The following MAF variants were observed in gnomAD, a reference collection of about 807,000 sequenced individuals.
MAF encodes transcription factor Maf.
MAF carries 10 observed loss-of-function variants against 22.0 expected under a neutral mutation model. The observed-to-expected ratio is 0.45, with a 90% confidence interval of 0.28 to 0.77. The LOEUF is 0.77. Ranked by LOEUF, MAF falls within the 30% of genes least tolerant of loss-of-function variation. The pLI is 0.12. For missense variants in MAF, 544 were observed against 548.4 expected (o/e 0.99, Z 0.08); for synonymous variants, 337 against 255.8 (o/e 1.32, Z -3.03).
the MAF span, among the ~76,000 whole-genome samples, chr16:79,550,385 T>C: frequency 2.0e-5 from 3 of 151,780 alleles, no homozygotes; most frequent in Admixed American, 1.3e-4. Context: ...AGACAGAAAC[T>C]CTCAACTCTT....
At chr16:79,272,819 C>T in the MAF span, among the ~76,000 whole-genome samples, 1 of 152,138 alleles carries the variant, frequency 6.6e-6, no homozygotes, top group African/African-American at 2.4e-5. Flanking sequence ...TGCTGTCCTC[C>T]ACGTTGACCT....
At chr16:79,489,260 G>T in the MAF span, among the ~76,000 whole-genome samples, 5 of 151,564 alleles carry the variant, frequency 3.3e-5, no homozygotes, top group African/African-American at 1.2e-4. Context: ...TATTTATCCA[G>T]CAATTTATTC....
intron 1 of MAF, chr16:79,596,226 T>C: frequency 9.4e-7 from 1 of 1,061,260 alleles, no homozygotes; most frequent in Non-Finnish European, 1.1e-6. Flanking sequence ...AGGGCAATTA[T>C]GGCTCAACTC....
the MAF span, among the ~76,000 whole-genome samples, chr16:79,399,253 G>T: frequency 9.3e-4 from 141 of 152,296 alleles, 3 homozygotes; most frequent in African/African-American, 3.2e-3. Flanking sequence ...AGCATTATGG[G>T]CTGTGCTAAG....
At chr16:79,224,399 T>C in the MAF span, among the ~76,000 whole-genome samples, 1 of 152,190 alleles carries the variant, frequency 6.6e-6, no homozygotes, top group Non-Finnish European at 1.5e-5. Flanking sequence ...CCATAGCCAA[T>C]ATCATACTGA....
chr16:79,511,957 C>G, the MAF span, among the ~76,000 whole-genome samples: 3 of 152,192 alleles, frequency 2.0e-5, no homozygotes, highest in Non-Finnish European at 4.4e-5. Context: ...GACTGCTGCT[C>G]TGTTATATAT....
At chr16:79,280,741 C>T in the MAF span, among the ~76,000 whole-genome samples, 1 of 152,238 alleles carries the variant, frequency 6.6e-6, no homozygotes. Flanking sequence ...CCAGCCCCTG[C>T]ATTACTAGCT....
the MAF span, among the ~76,000 whole-genome samples, chr16:79,560,966 C>A: frequency 6.6e-6 from 1 of 152,296 alleles, no homozygotes; most frequent in Non-Finnish European, 1.5e-5. Flanking sequence ...TTGCTCTACC[C>A]ATCCTTGCCT....
chr16:79,410,735 A>T, the MAF span, among the ~76,000 whole-genome samples: 1 of 152,188 alleles, frequency 6.6e-6, no homozygotes, highest in Non-Finnish European at 1.5e-5. Context: ...TATAAGGTTA[A>T]AGAGTTGTTC....
At chr16:79,357,974 T>G in the MAF span, among the ~76,000 whole-genome samples, 3 of 152,198 alleles carry the variant, frequency 2.0e-5, no homozygotes, top group Non-Finnish European at 2.9e-5. Flanking sequence ...ACAACCAGCA[T>G]TGCTCTTGGA....
chr16:79,211,873 T>G, the MAF span: 1 of 1,591,560 alleles, frequency 6.3e-7, no homozygotes, highest in South Asian at 1.1e-5. Flanking sequence ...CTGGGCCCCT[T>G]CCAAATGTCC....
the MAF span, among the ~76,000 whole-genome samples, chr16:79,421,959 G>C: frequency 5.3e-5 from 8 of 152,134 alleles, no homozygotes; most frequent in Non-Finnish European, 8.8e-5. Flanking sequence ...TGTGTTTTTA[G>C]TAGAGATGGG....
At chr16:79,238,069 G>A in the MAF span, among the ~76,000 whole-genome samples, 1 of 152,028 alleles carries the variant, frequency 6.6e-6, no homozygotes, top group Non-Finnish European at 1.5e-5. Flanking sequence ...CCAGGCATGC[G>A]GTTCTTTTTT....
chr16:79,472,702 G>A, the MAF span, among the ~76,000 whole-genome samples: 1 of 151,952 alleles, frequency 6.6e-6, no homozygotes, highest in Non-Finnish European at 1.5e-5. Flanking sequence ...GTAGGGCGAT[G>A]GTTGTACAAC....
chr16:79,592,178 G>A (rs1184569627), downstream of MAF, among the ~76,000 whole-genome samples: 2 of 152,080 alleles, frequency 1.3e-5, no homozygotes, highest in East Asian at 1.9e-4. Context: ...TATTTGCTAC[G>A]CCTTCATGCA....
the MAF span, among the ~76,000 whole-genome samples, chr16:79,322,751 G>A: frequency 6.6e-6 from 1 of 152,006 alleles, no homozygotes; most frequent in Non-Finnish European, 1.5e-5. Context: ...GGGGTATAAA[G>A]AGCTCAGAGG....
the MAF span, among the ~76,000 whole-genome samples, chr16:79,533,747 G>T: frequency 0.59 from 90,101 of 151,930 alleles, 29,234 homozygotes; most frequent in Non-Finnish European, 0.73. Flanking sequence ...CCACCTCCCA[G>T]TGACCTCTGT....
chr16:79,277,558 G>C, the MAF span, among the ~76,000 whole-genome samples: 6 of 152,246 alleles, frequency 3.9e-5, no homozygotes, highest in East Asian at 9.7e-4. Context: ...AACTCTCTGA[G>C]ATTAGTACTA....
the MAF span, among the ~76,000 whole-genome samples, chr16:79,249,348 G>A: frequency 1.2e-4 from 18 of 151,134 alleles, no homozygotes; most frequent in South Asian, 3.8e-3. Flanking sequence ...GAATCTGGGA[G>A]GTGGAGGTTG....
Sources: allele counts gnomAD v4.1 joint callset (sites outside exome capture counted in the v4.1 genomes callset), GRCh38; gene constraint gnomAD v4.1.1; transcripts MANE v1.5; gene names NCBI Gene and HGNC (gene_info 2026-07-23, HGNC 2026-07-21).